Variants in ADAMTS18 observed in about 807,000 individuals in gnomAD.
ADAMTS18 encodes A disintegrin and metalloproteinase with thrombospondin motifs 18.
ADAMTS18 carries 157 observed loss-of-function variants against 165.9 expected under a neutral mutation model. The ratio of observed to expected loss-of-function variants is 0.95; its 90% CI spans 0.83 to 1.08. The LOEUF is 1.08. Ranked by LOEUF, ADAMTS18 falls within the 50% of genes least tolerant of loss-of-function variation. ADAMTS18 has a pLI of 0.00. For missense variants in ADAMTS18, 2,040 were observed against 1,534.0 expected, an observed-to-expected ratio of 1.33 and a Z score of -5.51; for synonymous variants, 782 against 578.2, an observed-to-expected ratio of 1.35 and a Z score of -5.06.
chr16:77,300,015 C>A, intron 17 of ADAMTS18: 1 of 394,914 alleles, frequency 2.5e-6, no homozygotes. Context: ...ATATGTTTTT[C>A]CCATAAGTTT....
At chr16:77,431,256 A>T in intron 3 of ADAMTS18, 39 bp downstream of exon 3, 3 of 1,610,996 alleles carry the variant, frequency 1.9e-6, no homozygotes, top group Non-Finnish European at 2.5e-6. Flanking sequence ...TACACAAAAC[A>T]CGAAAGAGGG....
chr16:77,394,516 C>G (rs2057231618), intron 3 of ADAMTS18, among the ~76,000 whole-genome samples: 1 of 151,894 alleles, frequency 6.6e-6, no homozygotes, highest in African/African-American at 2.4e-5. Flanking sequence ...GCAAAAAAAA[C>G]TAAACCATTA....
intron 13 of ADAMTS18, among the ~76,000 whole-genome samples, chr16:77,324,612 A>G (rs1180273347): frequency 1.3e-5 from 2 of 152,194 alleles, no homozygotes; most frequent in African/African-American, 2.4e-5. Flanking sequence ...CACTGAGAAG[A>G]GCTATGAAGA....
At chr16:77,312,169 G>C (rs1413219021) in intron 16 of ADAMTS18, among the ~76,000 whole-genome samples, 2 of 151,858 alleles carry the variant, frequency 1.3e-5, no homozygotes, top group Non-Finnish European at 2.9e-5. Flanking sequence ...TGATGAACCG[G>C]ATCAATTCGA....
At chr16:77,339,863 C>G (rs1276791921) in intron 11 of ADAMTS18, among the ~76,000 whole-genome samples, 1 of 151,046 alleles carries the variant, frequency 6.6e-6, no homozygotes, top group Non-Finnish European at 1.5e-5. Flanking sequence ...TTAAAAATTA[C>G]AAGTCTTTTT....
At chr16:77,340,596 T>A (rs1464329550) in intron 11 of ADAMTS18, among the ~76,000 whole-genome samples, 2 of 152,178 alleles carry the variant, frequency 1.3e-5, no homozygotes, top group Non-Finnish European at 2.9e-5. Flanking sequence ...TTTTTCTTTT[T>A]TAGAGACAGG....
intron 4 of ADAMTS18, among the ~76,000 whole-genome samples, chr16:77,365,688 G>C (rs2056783271): frequency 6.6e-6 from 1 of 152,180 alleles, no homozygotes. Flanking sequence ...TTCCTGGGAA[G>C]AAAAATGGCA....
chr16:77,362,991 T>C (rs956832042), intron 6 of ADAMTS18, among the ~76,000 whole-genome samples: 1 of 152,230 alleles, frequency 6.6e-6, no homozygotes, highest in Admixed American at 6.5e-5. Context: ...TGTTAACTTC[T>C]GTAGCTCTCC....
rs1206910541 is a variant in ADAMTS18 at position 77,283,313 on chromosome 16, A to G, written c.*643T>C. 1 of 152,902 alleles carries G rather than the reference A, an allele frequency of 6.5e-6. No homozygotes were observed. Among genetic ancestry groups the G allele is most frequent in the Non-Finnish European group, 1.5e-5 (1 of 68,294 alleles). 9.5% of individuals were successfully genotyped at this position (152,902 alleles called of 1,614,324 possible). ...CTATTTTCATAATATTCCTTGGAAT[A>G]CTTTTCAAGTTGTCAATTTTAGTCT... On this transcript the variant is annotated 3_prime_UTR_variant, in exon 23 of 23. Transcript: ENST00000282849.
At chr16:77,408,691 C>A (rs2057422973) in intron 3 of ADAMTS18, among the ~76,000 whole-genome samples, 1 of 152,134 alleles carries the variant, frequency 6.6e-6, no homozygotes, top group South Asian at 2.1e-4. Context: ...GCAATTATGT[C>A]TGTGGAGTGA....
chr16:77,369,893 T>C (rs2056852143), intron 3 of ADAMTS18, among the ~76,000 whole-genome samples: 2 of 152,178 alleles, frequency 1.3e-5, no homozygotes, highest in Admixed American at 6.6e-5. Flanking sequence ...TTCACCATGA[T>C]CGAGTGGAAT....
At chr16:77,381,316 C>G (rs1416337464) in intron 3 of ADAMTS18, among the ~76,000 whole-genome samples, 1 of 152,086 alleles carries the variant, frequency 6.6e-6, no homozygotes, top group African/African-American at 2.4e-5. Flanking sequence ...TGGGGGACAG[C>G]TGAAATGCTG....
At chr16:77,357,255 A>T (rs1040717502) in intron 8 of ADAMTS18, among the ~76,000 whole-genome samples, 10 of 152,084 alleles carry the variant, frequency 6.6e-5, no homozygotes, top group Non-Finnish European at 1.2e-4. Flanking sequence ...CCATGTCTAT[A>T]ATATGGCCAT....
At chr16:77,340,911 G>A (rs1435401892) in intron 11 of ADAMTS18, among the ~76,000 whole-genome samples, 2 of 152,030 alleles carry the variant, frequency 1.3e-5, no homozygotes, top group South Asian at 4.2e-4. Flanking sequence ...TTTCTGTATA[G>A]GTTTATACTG....
chr16:77,399,925 T>C (rs2057304255), intron 3 of ADAMTS18, among the ~76,000 whole-genome samples: 1 of 152,172 alleles, frequency 6.6e-6, no homozygotes, highest in Admixed American at 6.5e-5. Context: ...TGGAATCCTA[T>C]AGGAGTCTAT....
rs145531065 is a variant in ADAMTS18, at chr16:77,302,166, T to G, written c.2533-1762A>C. ...TAAATAGTATGCTTTCCTGCAGTGT[T>G]TCTGTTAATGTTTTCATCTGATATT... On this transcript the variant is annotated intron_variant, in intron 16 of 22. Coordinates refer to ENST00000282849, the MANE Select transcript of ADAMTS18 (RefSeq NM_199355.4). Among the ~76,000 whole-genome samples the G allele has an allele frequency of 8.1e-4, 124 of 152,302 alleles. 1 individual carries two copies. The highest frequency in any genetic ancestry group is 2.4e-3 in the African/African-American group (100 of 41,562).
Position 77,425,601 on chromosome 16 carries a change from G to C in ADAMTS18, c.495+5694C>G, listed in dbSNP as rs1401226043. ...CACATGAAGAATGGAGCTTGGTTTA[G>C]AATTTCTTAAGCAAGGGGTGCATTT... On this transcript the variant is annotated intron_variant, in intron 3 of 22. Coordinates refer to ENST00000282849, the MANE Select transcript of ADAMTS18 (RefSeq NM_199355.4). Among the ~76,000 whole-genome samples the C allele has an allele frequency of 3.3e-5, 5 of 152,202 alleles. 1 individual carries two copies. The highest frequency in any genetic ancestry group is 4.8e-5 in the African/African-American group (2 of 41,448).
At chr16:77,388,697 T>C (rs572489745) in intron 3 of ADAMTS18, among the ~76,000 whole-genome samples, 122 of 152,332 alleles carry the variant, frequency 8.0e-4, no homozygotes, top group Non-Finnish European at 1.2e-3. Context: ...CCATTTCATT[T>C]GCTGCTTCAC....
intron 3 of ADAMTS18, among the ~76,000 whole-genome samples, chr16:77,382,839 G>A (rs1159669101): frequency 6.6e-6 from 1 of 152,088 alleles, no homozygotes; most frequent in Non-Finnish European, 1.5e-5. Flanking sequence ...ATCATTCCAG[G>A]CTTTGCTGCT....
Sources: gnomAD v4.1 joint callset for allele counts (sites outside exome capture counted in the v4.1 genomes callset) on GRCh38, gnomAD v4.1.1 for gene constraint, MANE v1.5 for transcripts, NCBI Gene and HGNC (gene_info 2026-07-23, HGNC 2026-07-21) for gene names.